Variants in VIPR2 observed in about 807,000 individuals in gnomAD.
VIPR2 encodes vasoactive intestinal peptide receptor 2.
In VIPR2, 48 loss-of-function variants were observed where a neutral mutation model predicts 58.0. The ratio of observed to expected loss-of-function variants is 0.83; its 90% CI spans 0.66 to 1.05. The LOEUF is 1.05. Ranked by LOEUF, VIPR2 falls within the 50% of genes least tolerant of loss-of-function variation. The pLI, the probability that VIPR2 is intolerant of heterozygous loss-of-function variation, is 0.00. For missense variants in VIPR2, 534 were observed against 558.0 expected (o/e 0.96, Z 0.43); for synonymous variants, 243 against 235.2 (o/e 1.03, Z -0.30).
chr7:159,089,691 A>C (rs1406864255), intron 4 of VIPR2, among the ~76,000 whole-genome samples: 1 of 152,126 alleles, frequency 6.6e-6, no homozygotes, highest in African/African-American at 2.4e-5. Context: ...AGGTTTCTCC[A>C]CTTGTAAAAC....
chr7:159,119,854 C>G (rs1363494074), intron 2 of VIPR2, among the ~76,000 whole-genome samples: 2 of 150,340 alleles, frequency 1.3e-5, no homozygotes, highest in African/African-American at 2.5e-5. Context: ...ACACCTGTCC[C>G]CCTTGATGCA....
chr7:159,046,236 A>T (rs1261960664), intron 5 of VIPR2, among the ~76,000 whole-genome samples: 1 of 152,228 alleles, frequency 6.6e-6, no homozygotes, highest in Non-Finnish European at 1.5e-5. Flanking sequence ...AAGAGTTGGA[A>T]ACAAGTTTTC....
chr7:159,092,650 CT>C (rs60400731), intron 4 of VIPR2, among the ~76,000 whole-genome samples: 124 of 133,674 alleles, frequency 9.3e-4, no homozygotes, highest in Admixed American at 1.6e-3. Flanking sequence ...CTTTTCTTTT[CT>C]TTTTTTTTTT....
intron 3 of VIPR2, 44 bp from the exon 4 acceptor site, chr7:159,103,898 A>C (rs765768649): frequency 1.3e-6 from 2 of 1,565,248 alleles, no homozygotes; most frequent in East Asian, 4.5e-5. Flanking sequence ...GTCCATGAAA[A>C]CTGGCCTTAG....
chr7:159,076,816 T>A (rs1049647593), intron 4 of VIPR2, among the ~76,000 whole-genome samples: 57 of 152,288 alleles, frequency 3.7e-4, no homozygotes, highest in Middle Eastern at 3.4e-3. Flanking sequence ...TTAGTTTTTT[T>A]AAAAAAAGAA....
chr7:159,037,607 A>C (rs574360552), intron 6 of VIPR2, among the ~76,000 whole-genome samples: 9 of 152,362 alleles, frequency 5.9e-5, no homozygotes, highest in Non-Finnish European at 1.0e-4. Context: ...ACATGAAAAA[A>C]TAAAGGGGAA....
At chr7:159,141,299 AG>A (rs2129498345) in intron 2 of VIPR2, among the ~76,000 whole-genome samples, 1 of 152,394 alleles carries the variant, frequency 6.6e-6, no homozygotes, top group African/African-American at 2.4e-5. Flanking sequence ...AAGATGGGCC[AG>A]AACCATGCGT....
Position 159,125,603 on chromosome 7 carries a change from T to C in VIPR2, c.152-15684A>G, listed in dbSNP as rs549939898. On this transcript the variant is annotated intron_variant, in intron 2 of 12. Transcript: ENST00000262178. ...CCTAGGGCCAGAATCTGGCTACTTG[T>C]GATTTCTACCCCCAGCCCTAGTTCT... 1.1e-4 allele frequency among the ~76,000 whole-genome samples: 16 copies of C among 152,332 alleles called. No individual in the cohort carries two copies. In the East Asian group the frequency reaches 2.9e-3, roughly 28 times the overall value.
intron 3 of VIPR2, among the ~76,000 whole-genome samples, chr7:159,106,803 GTACAGAGAGA>G: frequency 6.8e-6 from 1 of 147,196 alleles, no homozygotes. Flanking sequence ...GGCCGGGGAG[GTACAGAGAGA>G]GGCCGGGGAG....
At chr7:159,042,773 G>T (rs1854424268) in intron 6 of VIPR2, among the ~76,000 whole-genome samples, 1 of 152,328 alleles carries the variant, frequency 6.6e-6, no homozygotes, top group South Asian at 2.1e-4. Flanking sequence ...CTCCATGGGG[G>T]TCAGGGCTCA....
rs1358497008 is a variant in VIPR2 at position 159,144,828 on chromosome 7, C to T, written c.-57G>A. ...GCCCGCCGCCTCCGTCCTAGGTCCC[C>T]GCGGTTCCGCCGCCTCCAGCATGGG... On this transcript the variant is annotated 5_prime_UTR_variant, in exon 1 of 13. Coordinates refer to ENST00000262178, the MANE Select transcript of VIPR2 (RefSeq NM_003382.5). 3.3e-6 allele frequency: 4 copies of T among 1,227,904 alleles called. No homozygotes were observed. The highest frequency in any genetic ancestry group is 4.1e-6 in the Non-Finnish European group (4 of 984,808). The allele number at this position is 1,227,904 out of a possible 1,614,324, so 76.1% of individuals were successfully genotyped here. A position where few individuals can be genotyped will look rare whatever the true frequency, so the allele number is the denominator to read the frequency against.
At chr7:159,045,893 A>T (rs201630278) in intron 5 of VIPR2, among the ~76,000 whole-genome samples, 123,262 of 147,854 alleles carry the variant, frequency 0.83, 53,031 homozygotes, top group East Asian at 1. Flanking sequence ...AGTATCTAAA[A>T]TATATAAAGA....
chr7:159,094,030 G>C (rs2129495457), intron 4 of VIPR2, among the ~76,000 whole-genome samples: 1 of 152,356 alleles, frequency 6.6e-6, no homozygotes, highest in Middle Eastern at 3.4e-3. Context: ...CTCAAGGAAA[G>C]GCTCAATTTT....
intron 3 of VIPR2, among the ~76,000 whole-genome samples, chr7:159,104,277 C>T (rs1008596434): frequency 1.1e-4 from 17 of 150,000 alleles, no homozygotes; most frequent in Non-Finnish European, 2.2e-4. Flanking sequence ...CCCTCACCAC[C>T]GACAGTGACC....
chr7:159,032,587 C>T (rs1585321434), intron 10 of VIPR2, among the ~76,000 whole-genome samples: 1 of 152,210 alleles, frequency 6.6e-6, no homozygotes, highest in African/African-American at 2.4e-5. Flanking sequence ...CCTCTATTAA[C>T]GCATCTGAAG....
At chr7:159,090,083 A>G (rs113361837) in intron 4 of VIPR2, among the ~76,000 whole-genome samples, 7,542 of 88,266 alleles carry the variant, frequency 0.085, 268 homozygotes, top group African/African-American at 0.29. Context: ...CTGGGACCAC[A>G]CACAGGGGCC....
intron 4 of VIPR2, among the ~76,000 whole-genome samples, chr7:159,064,960 C>T (rs1855999479): frequency 1.3e-5 from 2 of 152,210 alleles, no homozygotes; most frequent in Admixed American, 1.3e-4. Flanking sequence ...GCCACCTCTA[C>T]CGAGAACCTG....
rs563057999 is a variant in VIPR2, at chr7:159,118,895, C to T, written c.152-8976G>A. ...ACCGAGGCCTGGGTGTGCGGCACAG[C>T]GCTTTGTGCACTCCTACAGACCACA... On this transcript the variant is annotated intron_variant, in intron 2 of 12. Transcript: ENST00000262178. Among the ~76,000 whole-genome samples, 84 of 152,210 alleles carry T rather than the reference C, an allele frequency of 5.5e-4. 1 individual carries two copies. The highest frequency in any genetic ancestry group is 9.7e-4 in the Non-Finnish European group (66 of 68,044).
At chr7:159,132,051 G>A (rs1295563917) in intron 2 of VIPR2, among the ~76,000 whole-genome samples, 2 of 152,066 alleles carry the variant, frequency 1.3e-5, no homozygotes, top group African/African-American at 4.8e-5. Flanking sequence ...CTTCTGTGTC[G>A]TCTATAAAAG....
Sources: allele counts gnomAD v4.1 joint callset (sites outside exome capture counted in the v4.1 genomes callset), GRCh38; gene constraint gnomAD v4.1.1; transcripts MANE v1.5; gene names NCBI Gene and HGNC (gene_info 2026-07-23, HGNC 2026-07-21).